Variants in DENND4C observed in about 807,000 individuals in gnomAD.
DENND4C encodes the protein DENN domain-containing protein 4C.
DENND4C carries 108 observed loss-of-function variants against 203.0 expected under a neutral mutation model. The ratio of observed to expected loss-of-function variants is 0.53; its 90% CI spans 0.46 to 0.62. The LOEUF is 0.62. DENND4C is among the 20% of genes least tolerant of loss of function. DENND4C has a pLI of 0.00. For synonymous variants in DENND4C, 871 were observed against 792.4 expected (o/e 1.10, Z -1.67); for missense variants, 2,481 against 2,301.2 (o/e 1.08, Z -1.60).
intron 10 of DENND4C, among the ~76,000 whole-genome samples, chr9:19,307,706 G>T (rs576330480): frequency 6.7e-6 from 1 of 149,384 alleles, no homozygotes; most frequent in South Asian, 2.1e-4. Context: ...GGAGGTGGAG[G>T]TTGCAGTGAG....
chr9:19,336,597 C>T (rs1039095415), intron 19 of DENND4C, 89 bp from the exon 20 acceptor site: 1 of 1,445,650 alleles, frequency 6.9e-7, no homozygotes, highest in Non-Finnish European at 9.2e-7. Context: ...AAGTGTTCTG[C>T]AACTATAAAT....
intron 10 of DENND4C, among the ~76,000 whole-genome samples, chr9:19,315,184 G>C (rs1240156384): frequency 6.9e-6 from 1 of 145,208 alleles, no homozygotes; most frequent in Non-Finnish European, 1.5e-5. Context: ...AAAAGAAAAA[G>C]CTGAGCCAGA....
At chr9:19,341,815 C>T (rs1457271002) in intron 21 of DENND4C, among the ~76,000 whole-genome samples, 1 of 152,074 alleles carries the variant, frequency 6.6e-6, no homozygotes, top group Non-Finnish European at 1.5e-5. Context: ...GCATAGTTTT[C>T]ATTGGTAGGT....
At chr9:19,295,140 G>C (rs1287820484) in intron 5 of DENND4C, among the ~76,000 whole-genome samples, 1 of 152,148 alleles carries the variant, frequency 6.6e-6, no homozygotes, top group Non-Finnish European at 1.5e-5. Flanking sequence ...GGGAGGCTGA[G>C]GCTGGTGGAT....
At chr9:19,277,901 T>A (rs1179534288) in intron 2 of DENND4C, among the ~76,000 whole-genome samples, 5 of 152,158 alleles carry the variant, frequency 3.3e-5, no homozygotes, top group African/African-American at 7.2e-5. Flanking sequence ...TTTTGTCAAT[T>A]GAGATGATCA....
chr9:19,366,354 C>A (rs1442573839), intron 30 of DENND4C, among the ~76,000 whole-genome samples: 2 of 152,190 alleles, frequency 1.3e-5, no homozygotes, highest in African/African-American at 2.4e-5. Context: ...GTAATCCCAG[C>A]ACTTTGGGAG....
Position 19,372,349 on chromosome 9 carries a change from C to A in DENND4C, c.*176C>A. On this transcript the variant is annotated 3_prime_UTR_variant, in exon 33 of 33. Transcript: ENST00000434457. ...TGCATTACCTTGAAATATGAAGTGC[C>A]ATTTGAATGTCCCAGGGCTTATTAA... 1 of 746,402 alleles carries A rather than the reference C, an allele frequency of 1.3e-6. No individual in the cohort carries two copies. Among genetic ancestry groups the A allele is most frequent in the Non-Finnish European group, 2.0e-6 (1 of 490,848 alleles). The allele number at this position is 746,402 out of a possible 1,614,324, so 46.2% of individuals were successfully genotyped here. A position where few individuals can be genotyped will look rare whatever the true frequency, so the allele number is the denominator to read the frequency against.
At chr9:19,319,375 C>T (rs55945030) in intron 12 of DENND4C, among the ~76,000 whole-genome samples, 5 of 117,608 alleles carry the variant, frequency 4.3e-5, no homozygotes, top group African/African-American at 1.3e-4. Flanking sequence ...CATATATATA[C>T]ACATACATAT....
chr9:19,300,329 G>C lies in DENND4C; in HGVS notation c.1309G>C (p.Ala437Pro). Reference sequence around the variant, plus strand: ...GACTGGGGTAGCTGAAGCTGTTGTAGCTGTAAGTATAGAATTTTCCTTTTA... The same window carrying C: ...GACTGGGGTAGCTGAAGCTGTTGTACCTGTAAGTATAGAATTTTCCTTTTA... ...VLTGVAEAVV[A>P]MIFPFQWQCP... Residue 437 changes from alanine to proline, a missense_variant and splice_region_variant, in exon 9 of 33, where the codon GCT becomes CCT. Physicochemically the swap from Ala to Pro is conservative, Grantham distance 27. Around this residue, in one of 3 missense-constraint regions of DENND4C, gnomAD observed 2,289 missense variants for 2,113.3 expected, o/e 1.08. Transcript: ENST00000434457. 1 of 1,572,356 alleles carries C rather than the reference G, an allele frequency of 6.4e-7. No homozygotes were observed. The highest frequency in any genetic ancestry group is 1.2e-5 in the South Asian group (1 of 84,718).
rs148185858 is a variant in DENND4C at position 19,284,962 on chromosome 9, C to G, written c.306-1807C>G. On this transcript the variant is annotated intron_variant, in intron 2 of 32. Transcript: ENST00000434457. Reference sequence around the variant, plus strand: ...TTTGAGTCATAGTCTTTTCCCACTGCTAGATATACTTTTAGCACTAGTATG... The same window carrying G: ...TTTGAGTCATAGTCTTTTCCCACTGGTAGATATACTTTTAGCACTAGTATG... 2.0e-5 allele frequency among the ~76,000 whole-genome samples: 3 copies of G among 152,244 alleles called. No homozygotes were observed. In the East Asian group the frequency reaches 5.8e-4, roughly 29 times the overall value.
At chr9:19,359,459 G>C (rs10114093) in intron 28 of DENND4C, among the ~76,000 whole-genome samples, 25,496 of 151,694 alleles carry the variant, frequency 0.17, 3,394 homozygotes, top group African/African-American at 0.34. Flanking sequence ...GAAGCCTCTA[G>C]AAGTTAGCTC....
chr9:19,302,917 C>A (rs1315673074), intron 9 of DENND4C, among the ~76,000 whole-genome samples: 2 of 152,142 alleles, frequency 1.3e-5, no homozygotes, highest in African/African-American at 4.8e-5. Context: ...ATTAATGAGT[C>A]CTGTTCTGTT....
intron 16 of DENND4C, among the ~76,000 whole-genome samples, chr9:19,328,657 G>GTCTGTCTGTCTATCTATCTA (rs1456677474): frequency 2.3e-4 from 28 of 119,378 alleles, no homozygotes; most frequent in African/African-American, 1.0e-3. Context: ...CTGTCTGTCT[G>GTCTGTCTGTCTATCTATCTA]TCTATCTATC....
In DENND4C at chr9:19,286,974, C is replaced by T; in HGVS notation, c.511C>T (p.Pro171Ser). The T allele has an allele frequency of 2.4e-6, 3 of 1,232,048 alleles. No homozygotes were observed. The highest frequency in any genetic ancestry group is 3.0e-6 in the Non-Finnish European group (3 of 987,916). The allele number at this position is 1,232,048 out of a possible 1,614,324, so 76.3% of individuals were successfully genotyped here. ...CVIVTSKGET[P>S]PHTFCKVDKN... ...TATTGTAACCAGTAAAGGAGAAACT[C>T]CTCCTCATACCTTCTGCAAAGTTGA... Residue 171 changes from proline (P) to serine (S), a missense_variant, in exon 3 of 33, where the codon CCT becomes TCT. Pro to Ser is a moderately conservative substitution (Grantham distance 74). Around this residue, in one of 3 missense-constraint regions of DENND4C, gnomAD observed 2,289 missense variants for 2,113.3 expected, o/e 1.08. Transcript: ENST00000434457.
At position 19,304,743 on chromosome 9, in the gene DENND4C, G is replaced by T. The variant is rs1482267380; in HGVS notation, c.1312-609G>T. On this transcript the variant is annotated intron_variant, in intron 9 of 32. Transcript: ENST00000434457. ...TTTTTTTTTTTTTAGTAGAGACGGG[G>T]TTTCACCTTGTTAGCCAGGATGGTC... is the stretch of plus-strand genomic sequence containing the variant. 1.5e-4 allele frequency among the ~76,000 whole-genome samples: 22 copies of T among 147,586 alleles called. 1 individual carries two copies. In the East Asian group the frequency reaches 2.6e-3, roughly 17 times the overall value.
intron 5 of DENND4C, among the ~76,000 whole-genome samples, chr9:19,294,474 G>A (rs1837012519): frequency 6.6e-6 from 1 of 152,094 alleles, no homozygotes; most frequent in South Asian, 2.1e-4. Context: ...AAAACAGTTT[G>A]GCAGCTCCTC....
chr9:19,330,333 G>GTTT (rs398010417), intron 16 of DENND4C, among the ~76,000 whole-genome samples: 2,245 of 97,040 alleles, frequency 0.023, 84 homozygotes, highest in African/African-American at 0.063. Context: ...TACCAAGTTG[G>GTTT]TTTTTTTTTT....
intron 1 of DENND4C, among the ~76,000 whole-genome samples, chr9:19,250,565 C>T (rs1826307362): frequency 6.6e-6 from 1 of 152,138 alleles, no homozygotes; most frequent in Non-Finnish European, 1.5e-5. Flanking sequence ...ACTCAAAAGT[C>T]CACAGTCCAA....
intron 9 of DENND4C, among the ~76,000 whole-genome samples, chr9:19,302,950 C>T (rs1052434745): frequency 6.6e-6 from 1 of 151,464 alleles, no homozygotes; most frequent in African/African-American, 2.4e-5. Context: ...ACCTGCTTTT[C>T]TTCTCTTCTG....
Sources: gnomAD v4.1 joint callset for allele counts (sites outside exome capture counted in the v4.1 genomes callset) on GRCh38, gnomAD v4.1.1 for gene constraint, gnomAD v4.1.1 regional missense constraint, MANE v1.5 for transcripts, NCBI Gene and HGNC (gene_info 2026-07-23, HGNC 2026-07-21) for gene names.